DHX15: variants seen among roughly 807,000 people sequenced by gnomAD.
DHX15 encodes DEAH-box helicase 15.
A neutral mutation model predicts 94.4 loss-of-function variants in DHX15; 11 were observed. That is an observed-to-expected ratio of 0.12 (90% CI 0.07 to 0.19). The LOEUF (loss-of-function observed/expected upper bound fraction) is 0.19. Among genes scored for constraint, DHX15 ranks in the 10% least tolerant of loss-of-function variants. The pLI is 1.00. For missense variants in DHX15, 304 were observed against 988.5 expected (o/e 0.31, Z 9.29); for synonymous variants, 338 against 329.9 (o/e 1.02, Z -0.27).
chr4:24,540,597 C>T (rs142351240), intron 9 of DHX15, among the ~76,000 whole-genome samples: 2 of 151,834 alleles, frequency 1.3e-5, no homozygotes, highest in African/African-American at 4.8e-5. Flanking sequence ...CATTTTCATG[C>T]CCAGAGGATA....
intron 11 of DHX15, among the ~76,000 whole-genome samples, chr4:24,534,418 C>T (rs1315394760): frequency 6.6e-6 from 1 of 152,116 alleles, no homozygotes; most frequent in East Asian, 1.9e-4. Context: ...GGAAAAATTG[C>T]AAATCTAAGT....
chr4:24,560,666 T>C (rs1385920817), intron 3 of DHX15, among the ~76,000 whole-genome samples: 1 of 152,180 alleles, frequency 6.6e-6, no homozygotes, highest in Admixed American at 6.5e-5. Flanking sequence ...AACATCTAAT[T>C]CTATCAATTT....
chr4:24,558,950 T>A (rs1199507588), intron 3 of DHX15, among the ~76,000 whole-genome samples: 1 of 152,122 alleles, frequency 6.6e-6, no homozygotes, highest in Non-Finnish European at 1.5e-5. Flanking sequence ...CCATTGTACG[T>A]ACAAATTTCA....
At chr4:24,547,933 A>ATC (rs1560765907) in intron 6 of DHX15, among the ~76,000 whole-genome samples, 95 of 33,642 alleles carry the variant, frequency 2.8e-3, no homozygotes, top group African/African-American at 8.3e-3. Context: ...ATATATATAT[A>ATC]TATATATATC....
intron 3 of DHX15, among the ~76,000 whole-genome samples, chr4:24,560,708 T>A (rs941367097): frequency 6.6e-6 from 1 of 152,136 alleles, no homozygotes; most frequent in African/African-American, 2.4e-5. Context: ...AAATTTAAAT[T>A]CTCTGAAACT....
At chr4:24,531,992 A>C (rs947784515) in intron 12 of DHX15, among the ~76,000 whole-genome samples, 1 of 152,222 alleles carries the variant, frequency 6.6e-6, no homozygotes, top group African/African-American at 2.4e-5. Context: ...TCTGGCCTTA[A>C]GGGTAAGCCA....
intron 4 of DHX15, 147 bp from the exon 5 acceptor site, chr4:24,555,090 C>A: frequency 1.9e-6 from 1 of 528,758 alleles, no homozygotes; most frequent in South Asian, 3.4e-5. Context: ...AAATCAAATA[C>A]ATAATGGCTG....
intron 3 of DHX15, among the ~76,000 whole-genome samples, chr4:24,556,697 TCACA>T (rs1392613982): frequency 2.6e-5 from 4 of 152,220 alleles, no homozygotes; most frequent in Non-Finnish European, 4.4e-5. Flanking sequence ...TCACATGGTT[TCACA>T]TGAATGCCAA....
At chr4:24,578,955 A>G (rs552913850) in intron 1 of DHX15, among the ~76,000 whole-genome samples, 61 of 152,204 alleles carry the variant, frequency 4.0e-4, no homozygotes, top group Non-Finnish European at 7.6e-4. Context: ...TGACAAAGTA[A>G]ATCATGTATT....
At chr4:24,544,602 A>T (rs1011615325) in intron 6 of DHX15, among the ~76,000 whole-genome samples, 1 of 152,232 alleles carries the variant, frequency 6.6e-6, no homozygotes, top group Non-Finnish European at 1.5e-5. Context: ...CATAACCGGC[A>T]TTTAATATTC....
At chr4:24,529,163 T>C (rs570852001) in intron 13 of DHX15, among the ~76,000 whole-genome samples, 23 of 152,230 alleles carry the variant, frequency 1.5e-4, no homozygotes, top group African/African-American at 5.5e-4. Context: ...GCTGGGACTA[T>C]AGACGTGCAG....
At chr4:24,528,088 A>C in intron 13 of DHX15, 47 bp from the exon 14 acceptor site, 1 of 1,315,736 alleles carries the variant, frequency 7.6e-7, no homozygotes, top group Non-Finnish European at 1.1e-6. Flanking sequence ...ATTTAATTGA[A>C]GTACTGGAGT....
At chr4:24,556,473 G>A in intron 3 of DHX15, 63 bp from the exon 4 acceptor site, 1 of 1,351,396 alleles carries the variant, frequency 7.4e-7, no homozygotes, top group Non-Finnish European at 1.0e-6. Flanking sequence ...CAAACTTCGT[G>A]ACAAAAATGA....
chr4:24,539,465 T>C (rs575520911), intron 10 of DHX15, among the ~76,000 whole-genome samples: 1 of 152,302 alleles, frequency 6.6e-6, no homozygotes, highest in East Asian at 1.9e-4. Flanking sequence ...TTATTGTTAC[T>C]AAAAACAGCA....
chr4:24,551,830 C>T (rs1208619304), intron 5 of DHX15, among the ~76,000 whole-genome samples: 2 of 152,046 alleles, frequency 1.3e-5, no homozygotes, highest in Admixed American at 6.6e-5. Context: ...CACAAAATAT[C>T]CAGATTTCAC....
chr4:24,551,902 CA>C (rs1721615519), intron 5 of DHX15, among the ~76,000 whole-genome samples: 1 of 152,102 alleles, frequency 6.6e-6, no homozygotes, highest in Admixed American at 6.6e-5. Context: ...TTTAAAATGA[CA>C]ATTCCAACTT....
chr4:24,539,410 G>C (rs1473081739), intron 10 of DHX15, among the ~76,000 whole-genome samples: 1 of 151,924 alleles, frequency 6.6e-6, no homozygotes, highest in African/African-American at 2.4e-5. Context: ...TTCTCCTTTA[G>C]GGAAAATCTA....
chr4:24,546,022 C>T (rs563717949), intron 6 of DHX15, among the ~76,000 whole-genome samples: 1 of 152,092 alleles, frequency 6.6e-6, no homozygotes, highest in Non-Finnish European at 1.5e-5. Context: ...CACTTCCCCC[C>T]ACTCCGCCCC....
In DHX15 at chr4:24,554,947, A is replaced by G; in HGVS notation, c.862-4T>C. The G allele has an allele frequency of 6.2e-7, 1 of 1,608,266 alleles. No individual in the cohort carries two copies. Among genetic ancestry groups the G allele is most frequent in the South Asian group, 1.1e-5 (1 of 90,924 alleles). On this transcript the variant is annotated splice_polypyrimidine_tract_variant and splice_region_variant and intron_variant, in intron 4 of 13. Transcript: ENST00000336812. ...GAGTAGCGCTCATAACTATAACCTG[A>G]AAGAAAACAGTAAATTATTTGAAGC...
Sources: allele counts gnomAD v4.1 joint callset (sites outside exome capture counted in the v4.1 genomes callset), GRCh38; gene constraint gnomAD v4.1.1; transcripts MANE v1.5; gene names NCBI Gene and HGNC (gene_info 2026-07-23, HGNC 2026-07-21).